TMEFF1: variants seen among roughly 807,000 people sequenced by gnomAD.
TMEFF1 encodes transmembrane protein with EGF like and two follistatin like domains 1.
A neutral mutation model predicts 47.5 loss-of-function variants in TMEFF1; 20 were observed. The ratio of observed to expected loss-of-function variants is 0.42; its 90% confidence interval spans 0.30 to 0.61. The LOEUF is 0.61. TMEFF1 is among the 20% of genes least tolerant of loss of function. TMEFF1 has a pLI of 0.19. For synonymous variants in TMEFF1, 162 were observed against 166.3 expected, an observed-to-expected ratio of 0.97 and a Z score of 0.20; for missense variants, 411 against 471.1, an observed-to-expected ratio of 0.87 and a Z score of 1.18.
chr9:100,568,069 G>A (rs1049310820), intron 8 of TMEFF1, among the ~76,000 whole-genome samples: 6 of 152,144 alleles, frequency 3.9e-5, no homozygotes, highest in East Asian at 1.9e-4. Context: ...TTCCTCCCAC[G>A]ACACATGGGA....
intron 1 of TMEFF1, among the ~76,000 whole-genome samples, chr9:100,481,247 G>C (rs923534138): frequency 6.6e-6 from 1 of 152,170 alleles, no homozygotes; most frequent in African/African-American, 2.4e-5. Flanking sequence ...TTCTGTCTCT[G>C]TATGTAGCTC....
chr9:100,485,132 T>G (rs986076173), intron 1 of TMEFF1, among the ~76,000 whole-genome samples: 1 of 152,230 alleles, frequency 6.6e-6, no homozygotes, highest in Non-Finnish European at 1.5e-5. Flanking sequence ...TCATTCCTTT[T>G]TTTTGACTGA....
At chr9:100,524,587 A>T (rs112607016) in intron 5 of TMEFF1, among the ~76,000 whole-genome samples, 2,257 of 152,320 alleles carry the variant, frequency 0.015, 53 homozygotes, top group African/African-American at 0.051. Flanking sequence ...GATCACTGGT[A>T]GAAATGTGAT....
At chr9:100,522,583 C>G (rs1164038128) in intron 5 of TMEFF1, among the ~76,000 whole-genome samples, 1 of 151,318 alleles carries the variant, frequency 6.6e-6, no homozygotes, top group Admixed American at 6.6e-5. Context: ...ATTACAGGTA[C>G]CTGCCACCAC....
At chr9:100,524,431 C>A (rs952604673) in intron 5 of TMEFF1, among the ~76,000 whole-genome samples, 8 of 152,198 alleles carry the variant, frequency 5.3e-5, no homozygotes, top group African/African-American at 1.7e-4. Context: ...GCCTCTGTGG[C>A]AGGGTCTGGT....
intron 1 of TMEFF1, among the ~76,000 whole-genome samples, chr9:100,496,770 G>A (rs1418941121): frequency 2.6e-5 from 4 of 152,132 alleles, no homozygotes; most frequent in Non-Finnish European, 4.4e-5. Flanking sequence ...ATCTTGCCTC[G>A]CAGACAAAAT....
At chr9:100,492,210 A>G (rs1369797972) in intron 1 of TMEFF1, among the ~76,000 whole-genome samples, 1 of 152,202 alleles carries the variant, frequency 6.6e-6, no homozygotes, top group African/African-American at 2.4e-5. Flanking sequence ...AACCACTTGT[A>G]TAATGCATTG....
Position 100,475,715 on chromosome 9 carries a change from C to CTGTGTGTGTG in TMEFF1, c.196+2007_196+2016dup, listed in dbSNP as rs3055671. On this transcript the variant is annotated intron_variant, in intron 1 of 9. Coordinates refer to ENST00000374879, the MANE Select transcript of TMEFF1 (RefSeq NM_003692.5). The stretch of plus-strand genomic sequence containing the variant: ...GATGTGGGTTGGTGATGCAGAGCGA[C>CTGTGTGTGTG]TGTGTGTGTGTGTGTGTGTGTGTGT... Among the ~76,000 whole-genome samples the CTGTGTGTGTG allele has an allele frequency of 7.9e-3, 1,112 of 140,904 alleles. 5 individuals are homozygous for CTGTGTGTGTG. Among genetic ancestry groups the CTGTGTGTGTG allele is most frequent in the Non-Finnish European group, 0.011 (724 of 64,460 alleles). The allele number at this position is 140,904 out of a possible 152,430, so 92.4% of individuals were successfully genotyped here.
chr9:100,543,704 AACACACACACAC>A (rs36046142), intron 5 of TMEFF1, among the ~76,000 whole-genome samples: 210 of 138,936 alleles, frequency 1.5e-3, no homozygotes, highest in African/African-American at 4.8e-3. Context: ...GATGAAGTAA[AACACACACACAC>A]ACACACACAC....
intron 1 of TMEFF1, among the ~76,000 whole-genome samples, chr9:100,490,761 A>G (rs1171198700): frequency 1.4e-5 from 2 of 148,040 alleles, no homozygotes; most frequent in Admixed American, 6.7e-5. Flanking sequence ...GGGAGAAATC[A>G]CTCATTGTTT....
At chr9:100,529,913 C>G (rs1447808585) in intron 5 of TMEFF1, among the ~76,000 whole-genome samples, 2 of 152,260 alleles carry the variant, frequency 1.3e-5, no homozygotes, top group Middle Eastern at 3.4e-3. Context: ...GCAGTGCAAT[C>G]AAACTAGAAC....
At chr9:100,484,391 C>T (rs565751512) in intron 1 of TMEFF1, among the ~76,000 whole-genome samples, 1 of 151,328 alleles carries the variant, frequency 6.6e-6, no homozygotes, top group South Asian at 2.1e-4. Flanking sequence ...GATCTTGGCT[C>T]ACCGCAACCT....
At chr9:100,474,017 G>A (rs1228396939) in intron 1 of TMEFF1, among the ~76,000 whole-genome samples, 1 of 151,822 alleles carries the variant, frequency 6.6e-6, no homozygotes, top group African/African-American at 2.4e-5. Context: ...GGCCGGGGCC[G>A]GCGAGGCTGA....
At chr9:100,477,957 G>A (rs1008045528) in intron 1 of TMEFF1, among the ~76,000 whole-genome samples, 5 of 152,090 alleles carry the variant, frequency 3.3e-5, no homozygotes, top group African/African-American at 7.2e-5. Context: ...ATTTGAGCAT[G>A]TGTTTATTTC....
intron 1 of TMEFF1, among the ~76,000 whole-genome samples, chr9:100,488,642 A>C (rs754281212): frequency 7.2e-5 from 11 of 152,158 alleles, no homozygotes; most frequent in Non-Finnish European, 1.5e-4. Flanking sequence ...AGTGCTTTCC[A>C]TATCTTTAAT....
At chr9:100,559,844 A>C (rs1211505649) in intron 7 of TMEFF1, among the ~76,000 whole-genome samples, 2 of 152,164 alleles carry the variant, frequency 1.3e-5, no homozygotes, top group African/African-American at 4.8e-5. Flanking sequence ...GGCATAAATT[A>C]AATTAGCACA....
intron 8 of TMEFF1, among the ~76,000 whole-genome samples, chr9:100,568,036 T>C (rs1050106715): frequency 3.8e-4 from 58 of 152,226 alleles, no homozygotes; most frequent in African/African-American, 1.4e-3. Flanking sequence ...CCTGCCCCCA[T>C]AATTCAATCA....
At chr9:100,510,233 G>C (rs564204544) in intron 3 of TMEFF1, among the ~76,000 whole-genome samples, 1 of 152,296 alleles carries the variant, frequency 6.6e-6, no homozygotes, top group Admixed American at 6.5e-5. Context: ...TAATTTGCTA[G>C]AAGGGCTAAC....
At position 100,576,707 on chromosome 9, in the gene TMEFF1, G is replaced by T; in HGVS notation, c.*107G>T. ...GAGGCCTTATTTTTGGACATTTTTAGTGTAGTACTGTTGGCTCGTATTTAG... is the reference window on the plus strand; with the variant it reads ...GAGGCCTTATTTTTGGACATTTTTATTGTAGTACTGTTGGCTCGTATTTAG... On this transcript the variant is annotated 3_prime_UTR_variant, in exon 10 of 10. Transcript: ENST00000374879. 2 of 1,332,728 alleles carry T rather than the reference G, an allele frequency of 1.5e-6. No individual in the cohort carries two copies. The highest frequency in any genetic ancestry group is 2.1e-6 in the Non-Finnish European group (2 of 975,482). The allele number at this position is 1,332,728 out of a possible 1,614,324, so 82.6% of individuals were successfully genotyped here.
Sources: allele counts gnomAD v4.1 joint callset (sites outside exome capture counted in the v4.1 genomes callset), GRCh38; gene constraint gnomAD v4.1.1; transcripts MANE v1.5; gene names NCBI Gene and HGNC (gene_info 2026-07-23, HGNC 2026-07-21).